QRICH1: variants seen among roughly 807,000 people sequenced by gnomAD.
QRICH1 encodes transcriptional regulator QRICH1.
QRICH1 carries 16 observed loss-of-function variants against 87.1 expected under a neutral mutation model. The observed-to-expected ratio is 0.18, with a 90% CI of 0.12 to 0.28. The LOEUF is 0.28. QRICH1 is among the 10% of genes least tolerant of loss of function. QRICH1 has a pLI of 1.00. For synonymous variants in QRICH1, 367 were observed against 368.4 expected, an observed-to-expected ratio of 1.00 and a Z score of 0.05; for missense variants, 647 against 951.7, an observed-to-expected ratio of 0.68 and a Z score of 4.21.
chr3:49,053,303 A>G (rs2093382083), intron 3 of QRICH1, among the ~76,000 whole-genome samples: 1 of 152,048 alleles, frequency 6.6e-6, no homozygotes, highest in Non-Finnish European at 1.5e-5. Context: ...CCTGACTAAC[A>G]TGGTGAAACC....
At chr3:49,055,551 T>C (rs1027560002) in intron 3 of QRICH1, among the ~76,000 whole-genome samples, 1 of 152,200 alleles carries the variant, frequency 6.6e-6, no homozygotes, top group Non-Finnish European at 1.5e-5. Context: ...TTTGTAGAGA[T>C]AGGGTCTTCC....
chr3:49,030,244 C>T lies in QRICH1; in HGVS notation c.*208G>A. 1.8e-6 allele frequency: 1 copy of T among 562,946 alleles called. No homozygotes were observed. The highest frequency in any genetic ancestry group is 3.5e-5 in the Admixed American group (1 of 28,318). The allele number at this position is 562,946 out of a possible 1,614,324, so 34.9% of individuals were successfully genotyped here. A position where few individuals can be genotyped will look rare whatever the true frequency, so the allele number is the denominator to read the frequency against. ...TATGACACTCAAGGAAACCCAGAGCCACCATCGGCTGAGGAGTCTGCCGCA... is the reference window on the plus strand; with the variant it reads ...TATGACACTCAAGGAAACCCAGAGCTACCATCGGCTGAGGAGTCTGCCGCA... On this transcript the variant is annotated 3_prime_UTR_variant, in exon 10 of 10. Coordinates refer to ENST00000395443, the MANE Select transcript of QRICH1 (RefSeq NM_198880.3).
intron 1 of QRICH1, among the ~76,000 whole-genome samples, chr3:49,079,828 A>G (rs1402173147): frequency 2.0e-5 from 3 of 152,216 alleles, no homozygotes; most frequent in Non-Finnish European, 4.4e-5. Context: ...CAGGAGTTTG[A>G]GACCAGCCTG....
At chr3:49,080,397 T>G (rs574762576) in intron 1 of QRICH1, among the ~76,000 whole-genome samples, 1 of 151,808 alleles carries the variant, frequency 6.6e-6, no homozygotes, top group Non-Finnish European at 1.5e-5. Flanking sequence ...TTGTCTGAAG[T>G]CTGGGAAAAA....
intron 2 of QRICH1, among the ~76,000 whole-genome samples, chr3:49,070,690 T>C (rs1313795988): frequency 6.6e-6 from 1 of 151,744 alleles, no homozygotes; most frequent in East Asian, 2.0e-4. Flanking sequence ...ATACTTCAGC[T>C]TCCCAAACAG....
Position 49,029,724 on chromosome 3 carries a change from T to G in QRICH1, c.*728A>C. The G allele has an allele frequency of 2.9e-6, 1 of 349,788 alleles. No individual in the cohort carries two copies. 21.7% of individuals were successfully genotyped at this position (349,788 alleles called of 1,614,324 possible). A position where few individuals can be genotyped will look rare whatever the true frequency, so the allele number is the denominator to read the frequency against. On this transcript the variant is annotated 3_prime_UTR_variant, in exon 10 of 10. Transcript: ENST00000395443. Reference sequence around the variant, plus strand: ...CACTAACATGTTGAAAAGACGTGCTTGTCATTCTTAATAAACAACTAGAGT... The same window carrying G: ...CACTAACATGTTGAAAAGACGTGCTGGTCATTCTTAATAAACAACTAGAGT...
At chr3:49,065,737 G>A (rs1436170232) in intron 2 of QRICH1, among the ~76,000 whole-genome samples, 1 of 151,336 alleles carries the variant, frequency 6.6e-6, no homozygotes, top group Non-Finnish European at 1.5e-5. Context: ...CTGGAGTGCA[G>A]TGGTGTGATC....
chr3:49,033,134 C>T lies in QRICH1; in HGVS notation c.1881G>A (p.Met627Ile). 1.9e-6 allele frequency: 3 copies of T among 1,564,200 alleles called. No individual in the cohort carries two copies. The highest frequency in any genetic ancestry group is 2.6e-6 in the Non-Finnish European group (3 of 1,156,526). ...AGAACACTTACTTGGTATTAAAGAA[C>T]ATGAGGGTGGTCAGCAAGGTGGAGG... ...HSPSTLLTTL[M>I]FFNTKYFLLK... Residue 627 changes from methionine (M) to isoleucine (I), a missense_variant, in exon 7 of 10, where the codon ATG becomes ATA. Transcript: ENST00000395443.
chr3:49,047,087 T>G lies in QRICH1; in HGVS notation c.1498A>C (p.Arg500=), dbSNP rs2093343142. ...NAELEKDAQN[R]LAPIGRRQLL... ...CACTCACTCCCAATGGGTGCCAATC[T>G]GTTCTGAGCATCCTTCTCTAGTTCA... Residue 500 remains arginine, a synonymous_variant, in exon 4 of 10, where the codon AGA becomes CGA. Coordinates refer to ENST00000395443, the MANE Select transcript of QRICH1 (RefSeq NM_198880.3). 3.1e-6 allele frequency: 5 copies of G among 1,613,582 alleles called. No homozygotes were observed. Among genetic ancestry groups the G allele is most frequent in the African/African-American group, 1.3e-5 (1 of 74,912 alleles).
chr3:49,092,033 C>T (rs2042286193), intron 1 of QRICH1, among the ~76,000 whole-genome samples: 1 of 151,634 alleles, frequency 6.6e-6, no homozygotes, highest in South Asian at 2.1e-4. Context: ...GATCACACCC[C>T]TGCACTCCAG....
chr3:49,049,524 G>C (rs1396186553), intron 3 of QRICH1, among the ~76,000 whole-genome samples: 5 of 151,972 alleles, frequency 3.3e-5, no homozygotes, highest in African/African-American at 9.7e-5. Flanking sequence ...TTTGAGCAAA[G>C]TCTTGCTCTA....
chr3:49,042,793 G>A (rs928172570), intron 6 of QRICH1, among the ~76,000 whole-genome samples: 1 of 151,902 alleles, frequency 6.6e-6, no homozygotes, highest in African/African-American at 2.4e-5. Context: ...GGCTGGTCTT[G>A]AACTCCCAAT....
chr3:49,032,857 G>A, intron 7 of QRICH1, 84 bp from the exon 8 acceptor site: 6 of 1,463,050 alleles, frequency 4.1e-6, no homozygotes, highest in Non-Finnish European at 5.5e-6. Context: ...GTGCTTCAGA[G>A]GAGCCACTGC....
intron 1 of QRICH1, among the ~76,000 whole-genome samples, chr3:49,089,250 G>A (rs920986521): frequency 6.6e-6 from 1 of 151,792 alleles, no homozygotes; most frequent in Admixed American, 6.6e-5. Context: ...AGTAGAGACG[G>A]GATTTCACCA....
chr3:49,045,901 TTTTTC>T lies in QRICH1; in HGVS notation c.1671+519_1671+523del, dbSNP rs554502841. Among the ~76,000 whole-genome samples the T allele has an allele frequency of 1.4e-3, 205 of 151,078 alleles. 1 individual carries two copies. Among genetic ancestry groups the T allele is most frequent in the African/African-American group, 4.0e-3 (166 of 41,142 alleles). The stretch of plus-strand genomic sequence containing the variant: ...GAGACATCTTGCCTGGCTCTTATTT[TTTTTC>T]TTTTCTTTTCTTTTTTTTTTAATTT... On this transcript the variant is annotated intron_variant, in intron 5 of 9. Transcript: ENST00000395443.
intron 8 of QRICH1, 89 bp from the exon 9 acceptor site, chr3:49,032,362 C>T: frequency 2.0e-6 from 2 of 976,378 alleles, no homozygotes; most frequent in Non-Finnish European, 3.2e-6. Context: ...TTTCAGCCAG[C>T]CCAACTAGGA....
rs745375712 is a variant in QRICH1, at chr3:49,032,212, G to A, written c.2109C>T (p.Ile703=). The change falls in exon 9 of 10, where the codon ATC becomes ATT. Residue 703 remains isoleucine (I), a synonymous_variant. Coordinates refer to ENST00000395443, the MANE Select transcript of QRICH1 (RefSeq NM_198880.3). ...TGAAGAGGTAGAAATCATAGAGCTTGATGGGACATCTCAATGGATTCTCTG... is the reference window on the plus strand; with the variant it reads ...TGAAGAGGTAGAAATCATAGAGCTTAATGGGACATCTCAATGGATTCTCTG... The part of the protein sequence containing the change: ...ENPENPLRCP[I]KLYDFYLFKC... 2 of 1,613,796 alleles carry A rather than the reference G, an allele frequency of 1.2e-6. No individual in the cohort carries two copies. The highest frequency in any genetic ancestry group is 2.2e-5 in the South Asian group (2 of 91,074).
At chr3:49,052,745 C>A (rs1001574273) in intron 3 of QRICH1, among the ~76,000 whole-genome samples, 9 of 152,024 alleles carry the variant, frequency 5.9e-5, no homozygotes, top group African/African-American at 2.2e-4. Context: ...CCTCGTGATC[C>A]ACCCACCTCG....
In QRICH1 at chr3:49,062,250, G is replaced by A. The variant is rs531814406; in HGVS notation, c.310-4360C>T. ...CTCGGAAGGCTGACGCAGCAAAATT[G>A]CCTGAACCTGGGAGGTGGAAGCTAG... On this transcript the variant is annotated intron_variant, in intron 2 of 9. Transcript: ENST00000395443. 5.3e-5 allele frequency among the ~76,000 whole-genome samples: 8 copies of A among 151,560 alleles called. No individual in the cohort carries two copies. The South Asian group carries it at 1.7e-3, about 32-fold the overall frequency.
Sources: allele counts gnomAD v4.1 joint callset (sites outside exome capture counted in the v4.1 genomes callset), GRCh38; gene constraint gnomAD v4.1.1; transcripts MANE v1.5; gene names NCBI Gene and HGNC (gene_info 2026-07-23, HGNC 2026-07-21).